Variants in CREB5 observed in about 807,000 individuals in gnomAD.
The protein encoded by CREB5 is cyclic AMP-responsive element-binding protein 5.
A neutral mutation model predicts 57.1 loss-of-function variants in CREB5; 19 were observed. The observed-to-expected ratio is 0.33, with a 90% confidence interval of 0.23 to 0.49. The LOEUF is 0.49. CREB5 is among the 20% of genes least tolerant of loss of function. The pLI is 0.99. For missense variants in CREB5, 579 were observed against 671.6 expected, an observed-to-expected ratio of 0.86 and a Z score of 1.52; for synonymous variants, 238 against 238.3, an observed-to-expected ratio of 1.00 and a Z score of 0.01.
At chr7:28,370,610 TAAA>T (rs1390256021) in intron 1 of CREB5, among the ~76,000 whole-genome samples, 1 of 152,154 alleles carries the variant, frequency 6.6e-6, no homozygotes, top group Non-Finnish European at 1.5e-5. Flanking sequence ...ATTTTATACT[TAAA>T]TAATAATAAA....
chr7:28,630,853 A>G (rs777711866), intron 5 of CREB5, among the ~76,000 whole-genome samples: 12 of 152,218 alleles, frequency 7.9e-5, no homozygotes, highest in African/African-American at 1.2e-4. Flanking sequence ...ATATTTAGTC[A>G]ACATTAATTT....
intron 7 of CREB5, among the ~76,000 whole-genome samples, chr7:28,781,936 T>TG (rs1229862301): frequency 1.3e-4 from 10 of 76,704 alleles, no homozygotes; most frequent in South Asian, 6.3e-4. Flanking sequence ...ACAATGTGTG[T>TG]TTTTTTTTTT....
intron 7 of CREB5, among the ~76,000 whole-genome samples, chr7:28,776,185 A>G (rs895688148): frequency 2.0e-5 from 3 of 152,092 alleles, no homozygotes; most frequent in Non-Finnish European, 2.9e-5. Flanking sequence ...AAAATCCAAA[A>G]AAATTAGCCG....
intron 7 of CREB5, among the ~76,000 whole-genome samples, chr7:28,752,464 G>T (rs1466919143): frequency 6.6e-6 from 1 of 152,228 alleles, no homozygotes; most frequent in Non-Finnish European, 1.5e-5. Context: ...ATCGTGCTCA[G>T]CCTTCTCTTT....
intron 1 of CREB5, among the ~76,000 whole-genome samples, chr7:28,426,128 G>C (rs1788501576): frequency 6.6e-6 from 1 of 152,192 alleles, no homozygotes; most frequent in Non-Finnish European, 1.5e-5. Flanking sequence ...GAATTAAGGG[G>C]AGCAGAATTA....
chr7:28,396,806 G>A (rs1459399630), intron 1 of CREB5, among the ~76,000 whole-genome samples: 1 of 152,126 alleles, frequency 6.6e-6, no homozygotes, highest in Non-Finnish European at 1.5e-5. Context: ...AAAGCCATAA[G>A]TTCTGAATTC....
chr7:28,610,264 A>G (rs758035751), intron 5 of CREB5, among the ~76,000 whole-genome samples: 1 of 152,146 alleles, frequency 6.6e-6, no homozygotes, highest in Non-Finnish European at 1.5e-5. Flanking sequence ...GGGAGGGGCC[A>G]GAGGGAAGGC....
chr7:28,414,067 A>G (rs963527783), intron 1 of CREB5, among the ~76,000 whole-genome samples: 1 of 151,888 alleles, frequency 6.6e-6, no homozygotes, highest in South Asian at 2.1e-4. Flanking sequence ...TGAACTTTGT[A>G]TTTGTAGTTC....
chr7:28,575,712 C>G (rs1236802783), intron 5 of CREB5, among the ~76,000 whole-genome samples: 2 of 152,202 alleles, frequency 1.3e-5, no homozygotes, highest in Non-Finnish European at 2.9e-5. Flanking sequence ...AATATCACGG[C>G]TATGAACATA....
intron 4 of CREB5, among the ~76,000 whole-genome samples, chr7:28,532,943 T>C (rs13226248): frequency 1.3e-5 from 2 of 152,236 alleles, no homozygotes; most frequent in Non-Finnish European, 2.9e-5. Flanking sequence ...CATAATAAGA[T>C]GTGAGAACAC....
At chr7:28,334,653 C>T (rs565109818) in intron 1 of CREB5, among the ~76,000 whole-genome samples, 1 of 152,306 alleles carries the variant, frequency 6.6e-6, no homozygotes, top group African/African-American at 2.4e-5. Context: ...TGGGTTGTCT[C>T]TTCACTTTGT....
At chr7:28,766,566 T>G (rs576294333) in intron 7 of CREB5, among the ~76,000 whole-genome samples, 5 of 152,240 alleles carry the variant, frequency 3.3e-5, no homozygotes, top group Non-Finnish European at 7.3e-5. Context: ...GTAATTGTTG[T>G]CCAGCTTACC....
At chr7:28,461,435 G>A (rs1790348356) in intron 1 of CREB5, among the ~76,000 whole-genome samples, 1 of 152,118 alleles carries the variant, frequency 6.6e-6, no homozygotes, top group African/African-American at 2.4e-5. Context: ...ATTTATGTTG[G>A]TTAGATGTTC....
At chr7:28,775,485 G>C (rs1179422521) in intron 7 of CREB5, among the ~76,000 whole-genome samples, 1 of 145,970 alleles carries the variant, frequency 6.9e-6, no homozygotes, top group Non-Finnish European at 1.5e-5. Context: ...TCTGATTTTG[G>C]TATATATCAT....
chr7:28,515,909 A>ATAT (rs1554335824), intron 4 of CREB5, among the ~76,000 whole-genome samples: 5,818 of 151,018 alleles, frequency 0.039, 239 homozygotes, highest in South Asian at 0.11. Context: ...TTAAAGTAAA[A>ATAT]ATATATATAT....
intron 1 of CREB5, among the ~76,000 whole-genome samples, chr7:28,405,097 T>C (rs1008490223): frequency 6.6e-6 from 1 of 152,228 alleles, no homozygotes; most frequent in African/African-American, 2.4e-5. Context: ...GTTGTGGTTT[T>C]CACAGTTTTG....
intron 4 of CREB5, among the ~76,000 whole-genome samples, chr7:28,521,948 T>C (rs1207843118): frequency 6.6e-6 from 1 of 152,214 alleles, no homozygotes; most frequent in Non-Finnish European, 1.5e-5. Context: ...AGTGGGGAAA[T>C]ATAACATCAC....
At chr7:28,566,217 G>A (rs948480534) in intron 4 of CREB5, among the ~76,000 whole-genome samples, 2 of 152,166 alleles carry the variant, frequency 1.3e-5, no homozygotes, top group Non-Finnish European at 2.9e-5. Flanking sequence ...ATTTATGTTA[G>A]CATTTTTGGA....
intron 4 of CREB5, among the ~76,000 whole-genome samples, chr7:28,515,104 A>G (rs1792887831): frequency 6.6e-6 from 1 of 152,232 alleles, no homozygotes; most frequent in Non-Finnish European, 1.5e-5. Context: ...CCACATATGG[A>G]CATGAATTAA....
Sources: allele counts gnomAD v4.1 joint callset (sites outside exome capture counted in the v4.1 genomes callset), GRCh38; gene constraint gnomAD v4.1.1; transcripts MANE v1.5; gene names NCBI Gene and HGNC (gene_info 2026-07-23, HGNC 2026-07-21).